The following FADS2 variants were observed in gnomAD, a reference collection of about 807,000 sequenced individuals.
The protein encoded by FADS2 is acyl-CoA 6-desaturase.
Under a neutral mutation model 61.2 loss-of-function variants are expected in FADS2, and 18 were observed. The observed-to-expected ratio is 0.29, with a 90% confidence interval of 0.20 to 0.44. The LOEUF (loss-of-function observed/expected upper bound fraction) is 0.44, where lower values mean the gene tolerates loss of function less well. Among genes scored for constraint, FADS2 ranks in the 20% least tolerant of loss-of-function variants. The pLI is 1.00. For missense variants in FADS2, 322 were observed against 572.7 expected, an observed-to-expected ratio of 0.56 and a Z score of 4.47; for synonymous variants, 203 against 223.9, an observed-to-expected ratio of 0.91 and a Z score of 0.83.
chr11:61,824,502 G>GAGAGAGAGA (rs140558358), upstream of FADS2, among the ~76,000 whole-genome samples: 5 of 21,698 alleles, frequency 2.3e-4, 1 homozygote, highest in Non-Finnish European at 3.8e-4. Flanking sequence ...AAGAAAGAAA[G>GAGAGAGAGA]GAAAGAAAGA....
intron 5 of FADS2, among the ~76,000 whole-genome samples, chr11:61,849,489 T>C (rs2067288122): frequency 6.6e-6 from 1 of 151,906 alleles, no homozygotes; most frequent in African/African-American, 2.4e-5. Context: ...GAGGCTGAGG[T>C]GGGTGGATCC....
upstream of FADS2, among the ~76,000 whole-genome samples, chr11:61,827,060 A>G (rs2067091577): frequency 6.6e-6 from 1 of 152,016 alleles, no homozygotes; most frequent in South Asian, 2.1e-4. This position sits in a 1 kb window ranked among gnomAD's most constrained non-coding sequence, Gnocchi z 4.5. Context: ...AGCCTCGTGC[A>G]CCCCACCCTC....
intron 5 of FADS2, among the ~76,000 whole-genome samples, chr11:61,851,842 A>T (rs1298270288): frequency 6.6e-6 from 1 of 152,218 alleles, no homozygotes; most frequent in Non-Finnish European, 1.5e-5. Flanking sequence ...TTTTGGTCTT[A>T]TTGATGCTGT....
At chr11:61,830,568 T>C (rs1005150503) in intron 1 of FADS2, among the ~76,000 whole-genome samples, 1 of 152,238 alleles carries the variant, frequency 6.6e-6, no homozygotes, top group East Asian at 1.9e-4. Flanking sequence ...TTTCTGGTCC[T>C]GCTCCAGCGC....
intron 5 of FADS2, among the ~76,000 whole-genome samples, chr11:61,849,267 C>A (rs1375919322): frequency 6.6e-6 from 1 of 152,174 alleles, no homozygotes; most frequent in African/African-American, 2.4e-5. Context: ...CCATTGCCTT[C>A]CATTTACTAT....
chr11:61,846,719 C>T (rs2067263268), intron 4 of FADS2: 1 of 152,148 alleles, frequency 6.6e-6, no homozygotes, highest in Non-Finnish European at 1.5e-5. Context: ...AGGGCCATAA[C>T]TCTGAGCTGA....
intron 5 of FADS2, among the ~76,000 whole-genome samples, chr11:61,851,815 T>C (rs1029085213): frequency 6.6e-6 from 1 of 152,264 alleles, no homozygotes; most frequent in African/African-American, 2.4e-5. Context: ...GTAAAGCCCT[T>C]TTCCTCGTTT....
chr11:61,826,655 A>T, upstream of FADS2: 1 of 528,264 alleles, frequency 1.9e-6, no homozygotes, highest in Non-Finnish European at 3.4e-6. Context: ...CTCACACTCA[A>T]AGACAGAGAG....
In FADS2 at chr11:61,865,523, T is replaced by A; in HGVS notation, c.1284-115T>A. The stretch of plus-strand genomic sequence containing the variant: ...CAGGCCCAGTGGCAGTGGTAAGCCC[T>A]GGTTAGGGCCAAGGGGACATACATG... On this transcript the variant is annotated intron_variant, in intron 11 of 11. Transcript: ENST00000278840. The surrounding 1 kb of genome is among the most constrained non-coding windows in gnomAD (Gnocchi z 4.1). The A allele has an allele frequency of 2.8e-6, 3 of 1,076,450 alleles. No individual in the cohort carries two copies. In the South Asian group the frequency reaches 4.3e-5, roughly 15 times the overall value. 66.7% of individuals were successfully genotyped at this position (1,076,450 alleles called of 1,614,324 possible). A position where few individuals can be genotyped will look rare whatever the true frequency, so the allele number is the denominator to read the frequency against.
At chr11:61,839,063 G>A (rs2067197489) in intron 2 of FADS2, among the ~76,000 whole-genome samples, 1 of 151,892 alleles carries the variant, frequency 6.6e-6, no homozygotes, top group African/African-American at 2.4e-5. Context: ...CTCCCCGTCC[G>A]GCCCTGCCCC....
chr11:61,853,564 G>A lies in FADS2; in HGVS notation c.745-3447G>A, dbSNP rs150142959. Among the ~76,000 whole-genome samples the A allele has an allele frequency of 3.5e-4, 53 of 152,120 alleles. No individual in the cohort carries two copies. The South Asian group carries it at 5.0e-3, about 14-fold the overall frequency. Reference sequence around the variant, plus strand: ...GCAGTGTAAAGGGGCCTCAGAAGCCGTGCGGTGCCTGAGATCCTCCTCCTC... The same window carrying A: ...GCAGTGTAAAGGGGCCTCAGAAGCCATGCGGTGCCTGAGATCCTCCTCCTC... On this transcript the variant is annotated intron_variant, in intron 5 of 11. Transcript: ENST00000278840.
chr11:61,816,357 T>A lies in FADS2; in HGVS notation c.72T>A (p.Thr24=). ...TGGCCTCCATCCCCACTCCCCAGAC[T>A]CCACTTCTCCAGGCCTCTCTCCCGC... Residue 24 remains threonine (T), a synonymous_variant, in exon 1 of 12, where the codon ACT becomes ACA. Transcript: ENST00000257261. This position sits in a 1 kb window ranked among gnomAD's most constrained non-coding sequence, Gnocchi z 7.0. 6.3e-7 allele frequency: 1 copy of A among 1,598,328 alleles called. No individual in the cohort carries two copies. The highest frequency in any genetic ancestry group is 8.5e-7 in the Non-Finnish European group (1 of 1,179,764).
chr11:61,848,077 T>C, intron 4 of FADS2, 82 bp from the exon 5 acceptor site: 1 of 1,578,378 alleles, frequency 6.3e-7, no homozygotes, highest in Non-Finnish European at 8.7e-7. Context: ...TTCCGGGAAC[T>C]GCTCCTAAGA....
chr11:61,858,787 T>A (rs1320432007), intron 7 of FADS2, among the ~76,000 whole-genome samples: 1 of 152,090 alleles, frequency 6.6e-6, no homozygotes, highest in African/African-American at 2.4e-5. Flanking sequence ...GGTTTCACCA[T>A]GTTGGCCAGG....
chr11:61,853,286 C>CCCTCCCTTCCTT (rs2067325640), intron 5 of FADS2, among the ~76,000 whole-genome samples: 2 of 55,778 alleles, frequency 3.6e-5, no homozygotes, highest in African/African-American at 1.2e-4. Context: ...TTCCCTCCCT[C>CCCTCCCTTCCTT]CCTCCCTTCC....
intron 7 of FADS2, among the ~76,000 whole-genome samples, chr11:61,858,542 A>T (rs1201368569): frequency 2.0e-5 from 3 of 151,494 alleles, no homozygotes; most frequent in South Asian, 2.1e-4. Context: ...CCTTTTTTTT[A>T]AAATAGGGAC....
At chr11:61,831,858 C>A (rs1381510426) in intron 1 of FADS2, among the ~76,000 whole-genome samples, 1 of 152,180 alleles carries the variant, frequency 6.6e-6, no homozygotes, top group Non-Finnish European at 1.5e-5. Flanking sequence ...GCTTCTCTCG[C>A]CTTTTCCTTG....
intron 1 of FADS2, among the ~76,000 whole-genome samples, chr11:61,831,411 G>A (rs2067127540): frequency 1.3e-5 from 2 of 152,146 alleles, no homozygotes; most frequent in Admixed American, 1.3e-4. Context: ...CTAACACAAG[G>A]CTGGAAACAG....
chr11:61,840,956 T>G (rs777058670), intron 4 of FADS2, among the ~76,000 whole-genome samples: 1 of 152,198 alleles, frequency 6.6e-6, no homozygotes, highest in Non-Finnish European at 1.5e-5. Context: ...GCACACACCT[T>G]TCTTGTCTTT....
Sources: gnomAD v4.1 joint callset for allele counts (sites outside exome capture counted in the v4.1 genomes callset) on GRCh38, gnomAD v4.1.1 for gene constraint, Gnocchi (gnomAD v3.1) non-coding constraint, MANE v1.5 for transcripts, NCBI Gene and HGNC (gene_info 2026-07-23, HGNC 2026-07-21) for gene names.